Variants in C1orf21 observed in about 807,000 individuals in gnomAD.
C1orf21 encodes uncharacterized protein C1orf21.
A neutral mutation model predicts 18.7 loss-of-function variants in C1orf21; 3 were observed. The ratio of observed to expected loss-of-function variants is 0.16; its 90% CI spans 0.07 to 0.42. The LOEUF (loss-of-function observed/expected upper bound fraction) is 0.42. Among genes scored for constraint, C1orf21 ranks in the 10% least tolerant of loss-of-function variants. The pLI, the probability that C1orf21 is intolerant of heterozygous loss-of-function variation, is 0.99. For synonymous variants in C1orf21, 41 were observed against 46.4 expected, an observed-to-expected ratio of 0.88 and a Z score of 0.47; for missense variants, 104 against 143.6, an observed-to-expected ratio of 0.72 and a Z score of 1.41.
intron 3 of C1orf21, among the ~76,000 whole-genome samples, chr1:184,573,405 G>C (rs767007385): frequency 6.6e-6 from 1 of 152,114 alleles, no homozygotes; most frequent in Non-Finnish European, 1.5e-5. Context: ...ATTCCTACGC[G>C]TGATGTTAAC....
At chr1:184,560,520 CTT>C (rs1277600604) in intron 3 of C1orf21, among the ~76,000 whole-genome samples, 3 of 152,166 alleles carry the variant, frequency 2.0e-5, no homozygotes, top group Non-Finnish European at 4.4e-5. Context: ...AAAATTCAAA[CTT>C]TTCATTTCAA....
chr1:184,389,560 A>C (rs1369851007), intron 1 of C1orf21, among the ~76,000 whole-genome samples: 1 of 152,216 alleles, frequency 6.6e-6, no homozygotes, highest in African/African-American at 2.4e-5. Context: ...ATCACAGGGC[A>C]TCATTCAAGA....
intron 2 of C1orf21, among the ~76,000 whole-genome samples, chr1:184,505,904 G>A (rs925264349): frequency 1.3e-5 from 2 of 151,380 alleles, no homozygotes; most frequent in African/African-American, 4.9e-5. Context: ...CTGTGTAATT[G>A]TGTTGGGGGC....
intron 3 of C1orf21, chr1:184,566,852 G>C: frequency 2.0e-6 from 1 of 489,926 alleles, no homozygotes; most frequent in Non-Finnish European, 4.1e-6. Context: ...CCAAATGCTC[G>C]ATGGAGTCAA....
chr1:184,497,678 C>A (rs1272562847), intron 2 of C1orf21, among the ~76,000 whole-genome samples: 1 of 152,178 alleles, frequency 6.6e-6, no homozygotes, highest in Non-Finnish European at 1.5e-5. Context: ...AAGAGAATTA[C>A]TTGAGCTGAA....
In C1orf21 at chr1:184,460,739, G is replaced by A. The variant is rs373275602; in HGVS notation, c.-124-16647G>A. Among the ~76,000 whole-genome samples, 17 of 129,854 alleles carry A rather than the reference G, an allele frequency of 1.3e-4. 1 individual carries two copies. Among genetic ancestry groups the A allele is most frequent in the Admixed American group, 1.2e-3 (15 of 12,688 alleles). 85.2% of individuals were successfully genotyped at this position (129,854 alleles called of 152,430 possible). On this transcript the variant is annotated intron_variant, in intron 1 of 5. Transcript: ENST00000235307. ...TTTTTTTTTTTTTTTAAGAAATGGG[G>A]TCTCATTATGTTGCCCAGGCTGGTC...
rs151276117 is a variant in C1orf21 at position 184,570,681 on chromosome 1, G to T, written c.190-20058G>T. 7.5e-3 allele frequency among the ~76,000 whole-genome samples: 1,144 copies of T among 152,286 alleles called. 6 individuals carry two copies. Among genetic ancestry groups the T allele is most frequent in the Middle Eastern group, 0.02 (6 of 294 alleles). ...CTATAGTCCTCAGAATTAAAGCATA[G>T]TGAACAGGAAAGAAAAGGAAAATAA... On this transcript the variant is annotated intron_variant, in intron 3 of 5. Transcript: ENST00000235307.
At position 184,584,311 on chromosome 1, in the gene C1orf21, A is replaced by G. The variant is rs375634203; in HGVS notation, c.190-6428A>G. ...TCCTAAGGTGGATTTTCTGGAGAAT[A>G]CACCAATATAACAAGCCTTAAAAAA... is the stretch of plus-strand genomic sequence containing the variant. On this transcript the variant is annotated intron_variant, in intron 3 of 5. Transcript: ENST00000235307. 7.9e-5 allele frequency among the ~76,000 whole-genome samples: 12 copies of G among 152,166 alleles called. No individual in the cohort carries two copies. The East Asian group carries it at 1.9e-3, about 24-fold the overall frequency.
intron 2 of C1orf21, among the ~76,000 whole-genome samples, chr1:184,479,712 T>C (rs1657626334): frequency 6.8e-6 from 1 of 146,528 alleles, no homozygotes; most frequent in Non-Finnish European, 1.5e-5. Context: ...CTTGACTTCC[T>C]GGGCTCAAGT....
At chr1:184,500,931 T>C (rs781064953) in intron 2 of C1orf21, among the ~76,000 whole-genome samples, 1 of 152,150 alleles carries the variant, frequency 6.6e-6, no homozygotes, top group Non-Finnish European at 1.5e-5. Flanking sequence ...TCTTCCCTCT[T>C]GAGACTTGCT....
chr1:184,584,002 G>A (rs899776733), intron 3 of C1orf21, among the ~76,000 whole-genome samples: 1 of 152,058 alleles, frequency 6.6e-6, no homozygotes, highest in Non-Finnish European at 1.5e-5. Flanking sequence ...ATATTGCATA[G>A]CTCTCAGCCC....
At chr1:184,468,042 G>T (rs1657430827) in intron 1 of C1orf21, among the ~76,000 whole-genome samples, 1 of 152,026 alleles carries the variant, frequency 6.6e-6, no homozygotes, top group Non-Finnish European at 1.5e-5. Context: ...GACAGACAAA[G>T]AGAGATTGAG....
rs1049249327 is a variant in C1orf21, at chr1:184,625,412, C to T, written c.*5856C>T. 6.6e-6 allele frequency: 1 copy of T among 152,578 alleles called. No individual in the cohort carries two copies. The highest frequency in any genetic ancestry group is 1.5e-5 in the Non-Finnish European group (1 of 68,036). 9.5% of individuals were successfully genotyped at this position (152,578 alleles called of 1,614,324 possible). ...AGGCAAGCAAGCAAAGAAAGTTTTGCAATAGATTTCAAGCCAGTTTTTCCA... is the reference window on the plus strand; with the variant it reads ...AGGCAAGCAAGCAAAGAAAGTTTTGTAATAGATTTCAAGCCAGTTTTTCCA... On this transcript the variant is annotated 3_prime_UTR_variant, in exon 6 of 6. Transcript: ENST00000235307.
rs1571308167 is a variant in C1orf21 at position 184,623,747 on chromosome 1, G to A, written c.*4191G>A. On this transcript the variant is annotated 3_prime_UTR_variant, in exon 6 of 6. Transcript: ENST00000235307. ...ATGAATGGATGTATTTTTCCAAGGG[G>A]GGAATAGTATCCTTGACTTTGGCAG... The A allele has an allele frequency of 6.6e-6, 1 of 152,610 alleles. No homozygotes were observed. Among genetic ancestry groups the A allele is most frequent in the East Asian group, 1.9e-4 (1 of 5,194 alleles). 9.5% of individuals were successfully genotyped at this position (152,610 alleles called of 1,614,324 possible).
chr1:184,458,748 T>TA (rs1553251175), intron 1 of C1orf21, among the ~76,000 whole-genome samples: 1 of 152,204 alleles, frequency 6.6e-6, no homozygotes, highest in Non-Finnish European at 1.5e-5. Context: ...AAAAAATCTT[T>TA]AAAAAAGCAA....
At chr1:184,509,022 A>G (rs1658105786) in intron 3 of C1orf21, among the ~76,000 whole-genome samples, 1 of 152,196 alleles carries the variant, frequency 6.6e-6, no homozygotes, top group Non-Finnish European at 1.5e-5. Context: ...CTTGCTTGAT[A>G]TAGTTTCAGC....
chr1:184,552,536 AAATTAAT>A (rs1052782084), intron 3 of C1orf21, among the ~76,000 whole-genome samples: 1 of 152,226 alleles, frequency 6.6e-6, no homozygotes, highest in Non-Finnish European at 1.5e-5. Context: ...GGTCATGTTC[AAATTAAT>A]AATTATTTTC....
intron 1 of C1orf21, among the ~76,000 whole-genome samples, chr1:184,425,330 T>C (rs1656617233): frequency 6.6e-6 from 1 of 151,708 alleles, no homozygotes; most frequent in Non-Finnish European, 1.5e-5. Context: ...TGCAGTGGTG[T>C]GATCTTGGCC....
rs116246316 is a variant in C1orf21, at chr1:184,436,459, C to T, written c.-124-40927C>T. 8.7e-3 allele frequency among the ~76,000 whole-genome samples: 1,321 copies of T among 151,978 alleles called. 17 individuals carry two copies. The highest frequency in any genetic ancestry group is 0.03 in the African/African-American group (1,263 of 41,422). ...AAGTCGGCAGCCCACGAGACACATT[C>T]GGCATGATGCAAAGTTGCCACTCCT... is the stretch of plus-strand genomic sequence containing the variant. On this transcript the variant is annotated intron_variant, in intron 1 of 5. Transcript: ENST00000235307.
Sources: gnomAD v4.1 joint callset for allele counts (sites outside exome capture counted in the v4.1 genomes callset) on GRCh38, gnomAD v4.1.1 for gene constraint, MANE v1.5 for transcripts, NCBI Gene and HGNC (gene_info 2026-07-23, HGNC 2026-07-21) for gene names.